NIBAN2: variants seen among roughly 807,000 people sequenced by gnomAD.
NIBAN2 encodes the protein protein Niban 2.
In NIBAN2, 36 loss-of-function variants were observed where a neutral mutation model predicts 81.8. That is an observed-to-expected ratio of 0.44 (90% CI 0.34 to 0.58). NIBAN2 has a LOEUF of 0.58. NIBAN2 is among the 20% of genes least tolerant of loss of function. The pLI, the probability that NIBAN2 is intolerant of heterozygous loss-of-function variation, is 0.02. For missense variants in NIBAN2, 897 were observed against 1,014.1 expected (o/e 0.88, Z 1.57); for synonymous variants, 445 against 441.6 (o/e 1.01, Z -0.10).
At chr9:127,551,079 T>G (rs1837566872) in intron 1 of NIBAN2, among the ~76,000 whole-genome samples, 1 of 152,056 alleles carries the variant, frequency 6.6e-6, no homozygotes, top group Non-Finnish European at 1.5e-5. Context: ...AAGGGACAGA[T>G]GGAACGGCAC....
At position 127,507,333 on chromosome 9, in the gene NIBAN2, C is replaced by T. The variant is rs768241453; in HGVS notation, c.1753G>A (p.Ala585Thr). ...DPNLHLLAEG[A>T]PIDWGEEYSN... is the part of the protein sequence containing the mutation. ...TACTCCTCGCCCCAGTCGATGGGGG[C>T]GCCCTCGGCCAGCAGGTGCAGGTTG... The change falls in exon 14 of 14, where the codon GCC (alanine) becomes ACC (threonine). Residue 585 changes from alanine to threonine, a missense_variant. Physicochemically the swap from Ala to Thr is moderately conservative, Grantham distance 58. Around this residue, in one of 3 missense-constraint regions of NIBAN2, gnomAD observed 619 missense variants for 691.0 expected, o/e 0.90. Coordinates refer to ENST00000373312, the MANE Select transcript of NIBAN2 (RefSeq NM_022833.4). The surrounding 1 kb of genome is among the most constrained non-coding windows in gnomAD (Gnocchi z 6.8). 2.8e-5 allele frequency: 43 copies of T among 1,554,094 alleles called. No homozygotes were observed. Among genetic ancestry groups the T allele is most frequent in the Admixed American group, 1.7e-4 (9 of 52,274 alleles).
At chr9:127,521,575 G>A (rs922373412) in intron 5 of NIBAN2, among the ~76,000 whole-genome samples, 2 of 138,826 alleles carry the variant, frequency 1.4e-5, no homozygotes, top group East Asian at 2.2e-4. Context: ...GGCAGCCCCC[G>A]GAGTGAGCAA....
Position 127,508,280 on chromosome 9 carries a change from G to T in NIBAN2, c.1435-80C>A. The T allele has an allele frequency of 7.3e-7, 1 of 1,371,612 alleles. No homozygotes were observed. The highest frequency in any genetic ancestry group is 1.0e-6 in the Non-Finnish European group (1 of 971,868). The allele number at this position is 1,371,612 out of a possible 1,614,324, so 85.0% of individuals were successfully genotyped here. A position where few individuals can be genotyped will look rare whatever the true frequency, so the allele number is the denominator to read the frequency against. ...GAGGGTAGGACGAGGCCAGTGGTCT[G>T]ACCCAAGCCTCCGAGTCCTCATCCG... On this transcript the variant is annotated intron_variant, in intron 11 of 13. Transcript: ENST00000373312. The surrounding 1 kb of genome is among the most constrained non-coding windows in gnomAD (Gnocchi z 6.4).
intron 1 of NIBAN2, 130 bp from the exon 2 acceptor site, chr9:127,531,908 C>G (rs41305453): frequency 9.1e-6 from 11 of 1,213,686 alleles, no homozygotes; most frequent in East Asian, 2.5e-5. Flanking sequence ...AGGCTCCTCG[C>G]GCTCATCTGC....
intron 9 of NIBAN2, among the ~76,000 whole-genome samples, chr9:127,509,333 C>A (rs759957506): frequency 5.3e-5 from 8 of 152,130 alleles, no homozygotes; most frequent in African/African-American, 1.9e-4. Flanking sequence ...GCATGGAGGG[C>A]GCAGTCCAGT....
chr9:127,578,470 T>C (rs1218074375), intron 1 of NIBAN2, among the ~76,000 whole-genome samples: 1 of 151,424 alleles, frequency 6.6e-6, no homozygotes, highest in Non-Finnish European at 1.5e-5. Context: ...AAGACCAGCC[T>C]GGCCAACATC....
At chr9:127,527,556 G>A (rs1379677089) in intron 2 of NIBAN2, among the ~76,000 whole-genome samples, 1 of 152,204 alleles carries the variant, frequency 6.6e-6, no homozygotes, top group Non-Finnish European at 1.5e-5. Context: ...ATCCAGGCAG[G>A]GTGGTGATGC....
At chr9:127,539,608 G>C (rs7041174) in intron 1 of NIBAN2, among the ~76,000 whole-genome samples, 8,637 of 152,166 alleles carry the variant, frequency 0.057, 693 homozygotes, top group African/African-American at 0.18. Context: ...AAAATGGGAG[G>C]GTGGGTCCCT....
intron 1 of NIBAN2, among the ~76,000 whole-genome samples, chr9:127,542,898 A>G (rs1014314061): frequency 2.0e-5 from 3 of 152,078 alleles, no homozygotes; most frequent in Non-Finnish European, 4.4e-5. Flanking sequence ...AATTTTTTGT[A>G]TTTTTAGTAG....
chr9:127,568,673 C>T, intron 1 of NIBAN2, 147 bp downstream of exon 1: 1 of 650,370 alleles, frequency 1.5e-6, no homozygotes, highest in Non-Finnish European at 2.1e-6. Context: ...CGAGCTCGGA[C>T]GCGGGGCACG....
At chr9:127,527,859 T>TG (rs1837105726) in intron 2 of NIBAN2, among the ~76,000 whole-genome samples, 1 of 152,076 alleles carries the variant, frequency 6.6e-6, no homozygotes. Flanking sequence ...CCAGAGAGCC[T>TG]GTCAGCTCTG....
intron 5 of NIBAN2, among the ~76,000 whole-genome samples, chr9:127,519,232 G>C (rs748797698): frequency 3.5e-5 from 5 of 143,082 alleles, no homozygotes; most frequent in Non-Finnish European, 7.7e-5. Flanking sequence ...ATAACAGCTA[G>C]AAGAACACCA....
chr9:127,508,524 G>T lies in NIBAN2; in HGVS notation c.1332C>A (p.Ala444=), dbSNP rs768875265. 2 of 1,613,672 alleles carry T rather than the reference G, an allele frequency of 1.2e-6. No individual in the cohort carries two copies. The highest frequency in any genetic ancestry group is 2.2e-5 in the South Asian group (2 of 91,080). The change falls in exon 11 of 14, where the codon GCC becomes GCA. Residue 444 remains alanine, a synonymous_variant. Transcript: ENST00000373312. The surrounding 1 kb of genome is among the most constrained non-coding windows in gnomAD (Gnocchi z 6.4). ...GCAGGAGGGTCTCGAACGTATACAC[G>T]GCATTGTCCATTTGCTGCAGGGCAT... ...QIHMREQMDN[A]VYTFETLLHQ...
At chr9:127,509,602 C>T (rs1307574034) in intron 9 of NIBAN2, among the ~76,000 whole-genome samples, 1 of 152,108 alleles carries the variant, frequency 6.6e-6, no homozygotes, top group African/African-American at 2.4e-5. Context: ...GACAACTATG[C>T]GGGCTCCGGG....
intron 1 of NIBAN2, among the ~76,000 whole-genome samples, chr9:127,578,350 G>A (rs1287156271): frequency 1.3e-5 from 1 of 79,276 alleles, no homozygotes; most frequent in Non-Finnish European, 2.2e-5. Flanking sequence ...GTGAGACTTG[G>A]TCTCAAAAAA....
chr9:127,552,565 A>G (rs1408168381), intron 1 of NIBAN2, among the ~76,000 whole-genome samples: 2 of 152,198 alleles, frequency 1.3e-5, no homozygotes, highest in African/African-American at 4.8e-5. Context: ...CAACAGAGCA[A>G]GATGCCATCT....
At chr9:127,518,063 TG>T in intron 5 of NIBAN2, 122 bp from the exon 6 acceptor site, 1 of 614,072 alleles carries the variant, frequency 1.6e-6, no homozygotes, top group Non-Finnish European at 2.9e-6. Flanking sequence ...GAGGGGCAGC[TG>T]GGACCCTCAC....
intron 1 of NIBAN2, among the ~76,000 whole-genome samples, chr9:127,540,706 C>T (rs912536043): frequency 2.0e-5 from 3 of 152,222 alleles, no homozygotes; most frequent in Non-Finnish European, 4.4e-5. Context: ...GGACGGGGGA[C>T]CCAAGAGGAA....
At position 127,552,684 on chromosome 9, in the gene NIBAN2, G is replaced by GTTTTT. The variant is rs919155330; in HGVS notation, c.55+16131_55+16135dup. Among the ~76,000 whole-genome samples, 121 of 98,016 alleles carry GTTTTT rather than the reference G, an allele frequency of 1.2e-3. 3 individuals carry two copies. Among genetic ancestry groups the GTTTTT allele is most frequent in the Non-Finnish European group, 1.7e-3 (87 of 50,966 alleles). The allele number at this position is 98,016 out of a possible 152,430, so 64.3% of individuals were successfully genotyped here. A position where few individuals can be genotyped will look rare whatever the true frequency, so the allele number is the denominator to read the frequency against. Reference sequence around the variant, plus strand: ...ACTATTGAGGCGTAATGGAATATTCGTTTTTTTTTTTTTTTTTTTTTTGAG... The same window carrying GTTTTT: ...ACTATTGAGGCGTAATGGAATATTCGTTTTTTTTTTTTTTTTTTTTTTTTTTTGAG... On this transcript the variant is annotated intron_variant, in intron 1 of 13. Transcript: ENST00000373312.
Sources: allele counts gnomAD v4.1 joint callset (sites outside exome capture counted in the v4.1 genomes callset), GRCh38; gene constraint gnomAD v4.1.1; regional missense constraint gnomAD v4.1.1; non-coding constraint Gnocchi (gnomAD v3.1); transcripts MANE v1.5; gene names NCBI Gene and HGNC (gene_info 2026-07-23, HGNC 2026-07-21).